FER: variants seen among roughly 807,000 people sequenced by gnomAD.
The protein encoded by FER is FER tyrosine kinase.
Under a neutral mutation model 111.0 loss-of-function variants are expected in FER, and 63 were observed. That is an observed-to-expected ratio of 0.57 (90% CI 0.46 to 0.70). The LOEUF (loss-of-function observed/expected upper bound fraction) is 0.70. Among genes scored for constraint, FER ranks in the 30% least tolerant of loss-of-function variants. FER has a pLI of 0.00. For synonymous variants in FER, 327 were observed against 313.9 expected (o/e 1.04, Z -0.44); for missense variants, 914 against 954.0 (o/e 0.96, Z 0.55).
intron 1 of FER, among the ~76,000 whole-genome samples, chr5:108,763,979 A>G (rs1260852930): frequency 1.3e-5 from 2 of 152,200 alleles, no homozygotes; most frequent in Non-Finnish European, 2.9e-5. Context: ...TAGCTTCTGC[A>G]AAAATGTTGG....
chr5:109,147,918 AC>A lies in FER; in HGVS notation c.2049-32827del, dbSNP rs1216787592. ...ATAAGTTTGTTCTTTTTTTCCATTGACCAATCACTTTCGTAACTAGAGAAAA... is the reference window on the plus strand; with the variant it reads ...ATAAGTTTGTTCTTTTTTTCCATTGACAATCACTTTCGTAACTAGAGAAAA... On this transcript the variant is annotated intron_variant, in intron 17 of 19. Transcript: ENST00000281092. 7.2e-5 allele frequency among the ~76,000 whole-genome samples: 11 copies of A among 151,920 alleles called. No individual in the cohort carries two copies. The East Asian group carries it at 2.1e-3, about 29-fold the overall frequency.
chr5:109,097,419 G>C (rs1489072467), intron 16 of FER, among the ~76,000 whole-genome samples: 4 of 151,372 alleles, frequency 2.6e-5, no homozygotes, highest in Non-Finnish European at 3.0e-5. Context: ...TCTTTTTTTT[G>C]CCTACTTTGA....
At chr5:109,132,497 T>G (rs1333716405) in intron 17 of FER, among the ~76,000 whole-genome samples, 2 of 152,102 alleles carry the variant, frequency 1.3e-5, no homozygotes, top group Non-Finnish European at 2.9e-5. Flanking sequence ...GCTGTGAGGA[T>G]GGGAGAAGAG....
intron 17 of FER, among the ~76,000 whole-genome samples, chr5:109,158,587 A>C (rs530606258): frequency 2.0e-5 from 3 of 152,198 alleles, no homozygotes; most frequent in Admixed American, 2.0e-4. Flanking sequence ...TATTCTTTTA[A>C]ATCTCAGCTC....
Position 108,798,131 on chromosome 5 carries a change from C to A in FER, c.-52C>A. ...TTTTGTTTACATACACAGATATGTG[C>A]TGATTAGAAGGCTCACTTGTGCAGT... is the stretch of plus-strand genomic sequence containing the variant. On this transcript the variant is annotated 5_prime_UTR_variant, in exon 3 of 20. The change creates a new upstream start codon in the 5' untranslated region. Transcript: ENST00000281092. 1 of 1,355,160 alleles carries A rather than the reference C, an allele frequency of 7.4e-7. No homozygotes were observed. Among genetic ancestry groups the A allele is most frequent in the Non-Finnish European group, 1.1e-6 (1 of 951,454 alleles). 83.9% of individuals were successfully genotyped at this position (1,355,160 alleles called of 1,614,324 possible).
In FER at chr5:108,853,502, G is replaced by T. The variant is rs531747297; in HGVS notation, c.482-14265G>T. Among the ~76,000 whole-genome samples the T allele has an allele frequency of 4.6e-5, 7 of 152,326 alleles. No individual in the cohort carries two copies. The South Asian group carries it at 1.4e-3, about 32-fold the overall frequency. ...AAGATGATCATGTATTCCTCATGGA[G>T]AAAGAAACATTTAAATAAAGAATGA... On this transcript the variant is annotated intron_variant, in intron 5 of 19. Coordinates refer to ENST00000281092, the MANE Select transcript of FER (RefSeq NM_005246.4).
chr5:108,812,849 TCA>T (rs1439953069), intron 3 of FER, among the ~76,000 whole-genome samples: 10 of 152,136 alleles, frequency 6.6e-5, no homozygotes, highest in African/African-American at 2.4e-4. Flanking sequence ...AGAGTATACT[TCA>T]GTTTCTCCCA....
intron 4 of FER, among the ~76,000 whole-genome samples, chr5:108,833,503 A>C (rs1354498663): frequency 8.2e-6 from 1 of 122,330 alleles, no homozygotes; most frequent in African/African-American, 3.5e-5. Flanking sequence ...TTTTTTTTTT[A>C]CATTGGATCA....
At chr5:109,170,593 A>G (rs957346133) in intron 17 of FER, among the ~76,000 whole-genome samples, 2 of 152,196 alleles carry the variant, frequency 1.3e-5, no homozygotes, top group Non-Finnish European at 2.9e-5. Flanking sequence ...TAATAGGTTA[A>G]GTTCCTAGCA....
chr5:109,002,686 A>G (rs944983447), intron 13 of FER, among the ~76,000 whole-genome samples: 2 of 152,224 alleles, frequency 1.3e-5, no homozygotes, highest in African/African-American at 4.8e-5. Context: ...TGAACAGGCA[A>G]CCTACAAAAT....
At chr5:109,025,429 G>A (rs200634749) in intron 13 of FER, among the ~76,000 whole-genome samples, 45 of 152,080 alleles carry the variant, frequency 3.0e-4, no homozygotes, top group Admixed American at 9.2e-4. Context: ...TTTGTCTGTT[G>A]TTGGTGTATA....
chr5:109,088,104 G>A (rs1460319393), intron 16 of FER, among the ~76,000 whole-genome samples: 2 of 151,888 alleles, frequency 1.3e-5, no homozygotes, highest in African/African-American at 2.4e-5. Context: ...ATACACACAG[G>A]AGTATTTGCA....
At position 109,188,241 on chromosome 5, in the gene FER, CCAGGCATGTAATCT is replaced by C. The variant is rs1759093029; in HGVS notation, c.*669_*682del. 6.9e-6 allele frequency: 1 copy of C among 144,896 alleles called. No homozygotes were observed. The highest frequency in any genetic ancestry group is 2.5e-5 in the African/African-American group (1 of 40,006). 9.0% of individuals were successfully genotyped at this position (144,896 alleles called of 1,614,324 possible). On this transcript the variant is annotated 3_prime_UTR_variant, in exon 20 of 20. Transcript: ENST00000281092. ...GGCACGGTGGCTCACGCCTGTAATCCCAGGCATGTAATCTCATGCCTGGGATTACAGGCGTGAGC... is the reference window on the plus strand; with the variant it reads ...GGCACGGTGGCTCACGCCTGTAATCCCATGCCTGGGATTACAGGCGTGAGC...
intron 14 of FER, among the ~76,000 whole-genome samples, chr5:109,039,210 AG>A (rs1249266561): frequency 1.4e-5 from 2 of 144,486 alleles, no homozygotes; most frequent in Non-Finnish European, 3.1e-5. Context: ...AGGAACGCTG[AG>A]GGTTTTTTTT....
intron 13 of FER, among the ~76,000 whole-genome samples, chr5:108,976,390 G>A (rs1481542172): frequency 6.6e-6 from 1 of 152,050 alleles, no homozygotes; most frequent in Non-Finnish European, 1.5e-5. Context: ...AAGCAATGCA[G>A]GCCTCTTTGT....
chr5:109,034,998 A>G (rs576733587), intron 13 of FER, among the ~76,000 whole-genome samples: 6 of 151,422 alleles, frequency 4.0e-5, no homozygotes, highest in African/African-American at 1.2e-4. Flanking sequence ...CACAGGTTTT[A>G]AATATATAGT....
chr5:108,833,047 A>G, intron 4 of FER, 104 bp downstream of exon 4: 1 of 987,102 alleles, frequency 1.0e-6, no homozygotes, highest in East Asian at 2.6e-5. Context: ...TCATTTCCCA[A>G]CAAGAAATAG....
intron 16 of FER, among the ~76,000 whole-genome samples, chr5:109,064,381 G>A (rs1774827360): frequency 6.6e-6 from 1 of 151,898 alleles, no homozygotes; most frequent in Admixed American, 6.6e-5. Context: ...TGAGCTAAAT[G>A]ATAAAGACAT....
At chr5:109,108,751 CTGGG>C in intron 17 of FER, among the ~76,000 whole-genome samples, 1 of 152,102 alleles carries the variant, frequency 6.6e-6, no homozygotes, top group South Asian at 2.1e-4. Context: ...TGATCAAATT[CTGGG>C]GAATTCATCA....
Sources: allele counts gnomAD v4.1 joint callset (sites outside exome capture counted in the v4.1 genomes callset), GRCh38; gene constraint gnomAD v4.1.1; transcripts MANE v1.5; gene names NCBI Gene and HGNC (gene_info 2026-07-23, HGNC 2026-07-21).